Variants in RBFOX3 observed in about 807,000 individuals in gnomAD.
RBFOX3 encodes the protein RNA binding fox-1 homolog 3, also known as RNA binding protein fox-1 homolog 3.
Under a neutral mutation model 48.7 loss-of-function variants are expected in RBFOX3, and 17 were observed. The ratio of observed to expected loss-of-function variants is 0.35; its 90% CI spans 0.24 to 0.52. The LOEUF (loss-of-function observed/expected upper bound fraction) is 0.52. Among genes scored for constraint, RBFOX3 ranks in the 20% least tolerant of loss-of-function variants. The pLI is 0.94. For synonymous variants in RBFOX3, 212 were observed against 209.5 expected (o/e 1.01, Z -0.10); for missense variants, 382 against 497.5 (o/e 0.77, Z 2.21).
intron 2 of RBFOX3, among the ~76,000 whole-genome samples, chr17:79,385,980 C>A (rs1417104091): frequency 6.7e-6 from 1 of 149,544 alleles, no homozygotes; most frequent in Non-Finnish European, 1.5e-5. Flanking sequence ...ATGGGGGCTC[C>A]ATCACTCTCC....
chr17:79,261,905 T>A (rs1032362399), intron 3 of RBFOX3, among the ~76,000 whole-genome samples: 1 of 152,090 alleles, frequency 6.6e-6, no homozygotes, highest in Non-Finnish European at 1.5e-5. Flanking sequence ...CCCCGCGGAA[T>A]TGTGGGTTTG....
intron 6 of RBFOX3, 48 bp downstream of exon 6, chr17:79,106,603 G>C: frequency 7.1e-7 from 1 of 1,409,936 alleles, no homozygotes; most frequent in Non-Finnish European, 9.2e-7. Context: ...CCACCCTGGA[G>C]CTGGGGCAGG....
At chr17:79,161,258 C>A (rs751386482) in intron 4 of RBFOX3, among the ~76,000 whole-genome samples, 6 of 152,036 alleles carry the variant, frequency 3.9e-5, no homozygotes, top group Non-Finnish European at 7.4e-5. Flanking sequence ...AGGAAGGGGC[C>A]GGCACGAGTC....
intron 4 of RBFOX3, among the ~76,000 whole-genome samples, chr17:79,182,386 G>A (rs2703552): frequency 0.84 from 127,907 of 152,146 alleles, 53,817 homozygotes; most frequent in South Asian, 0.94. Flanking sequence ...CCAGGGTATT[G>A]AAGCCCGGGC....
intron 4 of RBFOX3, among the ~76,000 whole-genome samples, chr17:79,142,808 C>A (rs148222910): frequency 0.01 from 1,564 of 152,288 alleles, 10 homozygotes; most frequent in Non-Finnish European, 0.017. Context: ...CCCCCAAGGT[C>A]CTCTGGTTCC....
At position 79,495,285 on chromosome 17, in the gene RBFOX3, G is replaced by C. The variant is rs1386264395; in HGVS notation, c.-319-12687C>G. ...GGGGAAGGGAGGGACGGCTGGCACG[G>C]GTCGTGAACACCATGGGGGAAGCAG... On this transcript the variant is annotated intron_variant, in intron 1 of 14. Transcript: ENST00000693108. Among the ~76,000 whole-genome samples, 102 of 124,092 alleles carry C rather than the reference G, an allele frequency of 8.2e-4. 1 individual carries two copies. Among genetic ancestry groups the C allele is most frequent in the African/African-American group, 3.2e-3 (98 of 30,834 alleles). The allele number at this position is 124,092 out of a possible 152,430, so 81.4% of individuals were successfully genotyped here.
the RBFOX3 span, among the ~76,000 whole-genome samples, chr17:79,630,318 G>A: frequency 1.3e-5 from 2 of 152,322 alleles, no homozygotes; most frequent in East Asian, 3.9e-4. Flanking sequence ...GACTGGATAC[G>A]GCACTAATGA....
chr17:79,417,379 T>C (rs1242187415), intron 2 of RBFOX3, among the ~76,000 whole-genome samples: 9 of 152,318 alleles, frequency 5.9e-5, no homozygotes, highest in African/African-American at 2.2e-4. Flanking sequence ...AGGACACCCC[T>C]GGCCCTGTCA....
chr17:79,157,231 G>A (rs73999877), intron 4 of RBFOX3, among the ~76,000 whole-genome samples: 3 of 152,092 alleles, frequency 2.0e-5, no homozygotes, highest in Non-Finnish European at 2.9e-5. Context: ...CTGTCCTCAC[G>A]CTCCCTCTGC....
chr17:79,155,213 A>G (rs896433251), intron 4 of RBFOX3, among the ~76,000 whole-genome samples: 1 of 152,254 alleles, frequency 6.6e-6, no homozygotes, highest in Non-Finnish European at 1.5e-5. Context: ...TTGTGAACAC[A>G]GAGCCCACAA....
intron 3 of RBFOX3, among the ~76,000 whole-genome samples, chr17:79,274,740 C>A (rs1050784794): frequency 6.6e-6 from 1 of 152,074 alleles, no homozygotes; most frequent in Non-Finnish European, 1.5e-5. Flanking sequence ...CTTTTCCACC[C>A]CAGGAAATGT....
chr17:79,182,430 C>A (rs551440404), intron 4 of RBFOX3, among the ~76,000 whole-genome samples: 2 of 152,304 alleles, frequency 1.3e-5, no homozygotes, highest in Non-Finnish European at 2.9e-5. Flanking sequence ...CCCACAGAGG[C>A]CGAGGGGCCT....
the RBFOX3 span, among the ~76,000 whole-genome samples, chr17:79,622,759 C>T: frequency 3.3e-5 from 5 of 152,222 alleles, no homozygotes; most frequent in African/African-American, 4.8e-5. Context: ...GATCCTCTCT[C>T]CAAACACGGT....
intron 4 of RBFOX3, among the ~76,000 whole-genome samples, chr17:79,150,225 TC>T (rs1039907993): frequency 2.6e-5 from 4 of 151,758 alleles, no homozygotes; most frequent in African/African-American, 9.7e-5. Flanking sequence ...AGCAGCCACG[TC>T]CCAGGAGACT....
chr17:79,223,182 G>A (rs1463429878), intron 4 of RBFOX3, among the ~76,000 whole-genome samples: 1 of 152,164 alleles, frequency 6.6e-6, no homozygotes, highest in African/African-American at 2.4e-5. Flanking sequence ...CACCTTGAGT[G>A]CACATGTGGC....
chr17:79,519,914 G>A (rs1257429998), intron 1 of RBFOX3, among the ~76,000 whole-genome samples: 2 of 152,154 alleles, frequency 1.3e-5, no homozygotes, highest in Admixed American at 6.5e-5. Context: ...CTGCCTCTGC[G>A]CTGCTCCCCA....
the RBFOX3 span, among the ~76,000 whole-genome samples, chr17:79,643,758 C>G: frequency 6.6e-6 from 1 of 151,910 alleles, no homozygotes; most frequent in Non-Finnish European, 1.5e-5. Context: ...AATGAAGAAA[C>G]AAATATCAAA....
At chr17:79,127,115 C>T (rs1401331542) in intron 4 of RBFOX3, among the ~76,000 whole-genome samples, 2 of 152,232 alleles carry the variant, frequency 1.3e-5, no homozygotes, top group African/African-American at 4.8e-5. Context: ...GAGTCACAGG[C>T]AAATGGCTCT....
intron 2 of RBFOX3, among the ~76,000 whole-genome samples, chr17:79,427,126 C>A (rs1250753635): frequency 1.3e-5 from 2 of 152,212 alleles, no homozygotes; most frequent in African/African-American, 4.8e-5. Context: ...AGGTATGGTG[C>A]TCGGAGCAGT....
Sources: gnomAD v4.1 joint callset for allele counts (sites outside exome capture counted in the v4.1 genomes callset) on GRCh38, gnomAD v4.1.1 for gene constraint, MANE v1.5 for transcripts, NCBI Gene and HGNC (gene_info 2026-07-23, HGNC 2026-07-21) for gene names.